Variants in ZC3H6 observed in about 807,000 individuals in gnomAD.
The protein encoded by ZC3H6 is zinc finger CCCH domain-containing protein 6.
In ZC3H6, 40 loss-of-function variants were observed where a neutral mutation model predicts 107.7. That is an observed-to-expected ratio of 0.37 (90% confidence interval 0.29 to 0.48). The LOEUF is 0.48. Among genes scored for constraint, ZC3H6 ranks in the 20% least tolerant of loss-of-function variants. The pLI is 0.98. For synonymous variants in ZC3H6, 493 were observed against 487.9 expected, an observed-to-expected ratio of 1.01 and a Z score of -0.14; for missense variants, 1,267 against 1,410.4, an observed-to-expected ratio of 0.90 and a Z score of 1.63.
At chr2:112,306,948 T>C (rs1385142380) in intron 3 of ZC3H6, among the ~76,000 whole-genome samples, 3 of 152,240 alleles carry the variant, frequency 2.0e-5, no homozygotes, top group Admixed American at 1.3e-4. Context: ...CTCAGGATTT[T>C]CATCTACTCC....
rs541203347 is a variant in ZC3H6, at chr2:112,280,806, A to G, written c.32+4780A>G. 2.0e-5 allele frequency among the ~76,000 whole-genome samples: 3 copies of G among 152,284 alleles called. No individual in the cohort carries two copies. The South Asian group carries it at 6.2e-4, about 32-fold the overall frequency. On this transcript the variant is annotated intron_variant, in intron 1 of 11. Coordinates refer to ENST00000409871, the MANE Select transcript of ZC3H6 (RefSeq NM_198581.3). ...AGTGTTAGTATGTGGAGAGTGTACA[A>G]CTATTTTGGGGAATGGGGAAACGGA... is the stretch of plus-strand genomic sequence containing the variant.
intron 11 of ZC3H6, among the ~76,000 whole-genome samples, chr2:112,326,909 G>A (rs1573965548): frequency 1.3e-5 from 2 of 152,196 alleles, no homozygotes; most frequent in East Asian, 3.9e-4. Context: ...CACCGTGCCT[G>A]GCCATTGTCT....
At chr2:112,293,783 A>G (rs183378555) in intron 1 of ZC3H6, among the ~76,000 whole-genome samples, 4 of 152,266 alleles carry the variant, frequency 2.6e-5, no homozygotes, top group Non-Finnish European at 4.4e-5. Context: ...CAAGTTATCT[A>G]TCAAGCAAGC....
chr2:112,321,197 TG>T (rs1163260693), intron 7 of ZC3H6, among the ~76,000 whole-genome samples: 1 of 152,010 alleles, frequency 6.6e-6, no homozygotes, highest in Non-Finnish European at 1.5e-5. Flanking sequence ...AAGATTAGTC[TG>T]TAGTTGATTA....
At chr2:112,308,475 G>T (rs1191777664) in intron 3 of ZC3H6, among the ~76,000 whole-genome samples, 1 of 149,218 alleles carries the variant, frequency 6.7e-6, no homozygotes, top group Non-Finnish European at 1.5e-5. Context: ...CACCCAGGCT[G>T]GAGTGCAGTG....
In ZC3H6 at chr2:112,275,982, T is replaced by C; in HGVS notation, c.-13T>C. 6.5e-7 allele frequency: 1 copy of C among 1,535,204 alleles called. No homozygotes were observed. Among genetic ancestry groups the C allele is most frequent in the Non-Finnish European group, 8.8e-7 (1 of 1,140,710 alleles). On this transcript the variant is annotated 5_prime_UTR_variant, in exon 1 of 12. Coordinates refer to ENST00000409871, the MANE Select transcript of ZC3H6 (RefSeq NM_198581.3). ...AGACCTGCCCTCCAGCCCCGCCCCG[T>C]TCTTGACCAAACATGACAGACTCTG...
intron 1 of ZC3H6, among the ~76,000 whole-genome samples, chr2:112,298,159 A>ATTT (rs1221368347): frequency 2.7e-4 from 21 of 78,854 alleles, no homozygotes; most frequent in African/African-American, 1.5e-3. Context: ...CTTTTTAAAA[A>ATTT]ATTTATTTTT....
chr2:112,321,670 T>C (rs1350858075), intron 7 of ZC3H6, 86 bp from the exon 8 acceptor site: 12 of 644,048 alleles, frequency 1.9e-5, no homozygotes, highest in Non-Finnish European at 3.1e-5. Flanking sequence ...AGAACTTAAC[T>C]ATCTTGTCTA....
In ZC3H6 at chr2:112,336,577, T is replaced by G. The variant is rs1677139216; in HGVS notation, c.*4089T>G. 6.6e-6 allele frequency: 1 copy of G among 152,218 alleles called. No individual in the cohort carries two copies. Among genetic ancestry groups the G allele is most frequent in the African/African-American group, 2.4e-5 (1 of 41,458 alleles). 9.4% of individuals were successfully genotyped at this position (152,218 alleles called of 1,614,324 possible). On this transcript the variant is annotated 3_prime_UTR_variant, in exon 12 of 12. Transcript: ENST00000409871. ...AAGCTATTTTCTTAGGTGTTACACC[T>G]TAGCATTTACATAATGCCTTCTCCC...
chr2:112,302,585 A>G (rs953305201), intron 2 of ZC3H6, among the ~76,000 whole-genome samples: 1 of 152,160 alleles, frequency 6.6e-6, no homozygotes, highest in Non-Finnish European at 1.5e-5. Flanking sequence ...CAACTCGGGA[A>G]GGTAATCATT....
intron 7 of ZC3H6, 41 bp from the exon 8 acceptor site, chr2:112,321,715 C>T (rs1452480787): frequency 8.1e-7 from 1 of 1,232,410 alleles, no homozygotes; most frequent in Non-Finnish European, 1.1e-6. Flanking sequence ...AAAAATTAGA[C>T]CTTGATTTTA....
At chr2:112,289,994 G>A (rs1573948364) in intron 1 of ZC3H6, among the ~76,000 whole-genome samples, 2 of 152,108 alleles carry the variant, frequency 1.3e-5, no homozygotes. Context: ...ACCCTCCTTG[G>A]CCTTCCAAAG....
rs554162541 is a variant in ZC3H6 at position 112,307,551 on chromosome 2, C to T, written c.337-2334C>T. ...CCTGCTAGACCCTCGCCCATGAGTG[C>T]GTTTTGTTCATCCCAATGATGACCA... On this transcript the variant is annotated intron_variant, in intron 3 of 11. Transcript: ENST00000409871. Among the ~76,000 whole-genome samples the T allele has an allele frequency of 4.1e-4, 63 of 152,204 alleles. 1 individual carries two copies. The highest frequency in any genetic ancestry group is 6.3e-4 in the Non-Finnish European group (43 of 67,998).
intron 1 of ZC3H6, among the ~76,000 whole-genome samples, chr2:112,296,496 T>C (rs1676236150): frequency 6.6e-6 from 1 of 152,236 alleles, no homozygotes; most frequent in Non-Finnish European, 1.5e-5. Flanking sequence ...AACATTCTTA[T>C]ACTTGTCTTT....
intron 1 of ZC3H6, among the ~76,000 whole-genome samples, chr2:112,281,189 G>T (rs1186081031): frequency 6.6e-6 from 1 of 152,148 alleles, no homozygotes; most frequent in East Asian, 1.9e-4. Context: ...GGTGTTTAGG[G>T]AAGCACTTAT....
chr2:112,324,924 G>A lies in ZC3H6; in HGVS notation c.1853-40G>A, dbSNP rs1558956804. Reference sequence around the variant, plus strand: ...TTTCTTATGACTGGTGAAGTTTTGTGCTCACTCAATGACTGTCTCTCCCCA... The same window carrying A: ...TTTCTTATGACTGGTGAAGTTTTGTACTCACTCAATGACTGTCTCTCCCCA... On this transcript the variant is annotated intron_variant, in intron 10 of 11. Transcript: ENST00000409871. 15 of 1,535,162 alleles carry A rather than the reference G, an allele frequency of 9.8e-6. No individual in the cohort carries two copies. The East Asian group carries it at 3.1e-4, about 32-fold the overall frequency.
chr2:112,315,153 T>A lies in ZC3H6; in HGVS notation c.748-1317T>A, dbSNP rs796442082. On this transcript the variant is annotated intron_variant, in intron 5 of 11. Coordinates refer to ENST00000409871, the MANE Select transcript of ZC3H6 (RefSeq NM_198581.3). ...CCTATGATATACAGGGCACAGTGCA[T>A]GCCAGGTGCATGAAAAATAATGTTG... 1.2e-4 allele frequency among the ~76,000 whole-genome samples: 19 copies of A among 152,318 alleles called. 1 individual carries two copies. The highest frequency in any genetic ancestry group is 4.6e-4 in the African/African-American group (19 of 41,564).
chr2:112,287,242 C>T (rs987933442), intron 1 of ZC3H6, among the ~76,000 whole-genome samples: 1 of 151,872 alleles, frequency 6.6e-6, no homozygotes, highest in Non-Finnish European at 1.5e-5. Flanking sequence ...GCACTGAAAG[C>T]CTAAATCAAG....
At chr2:112,286,865 C>G (rs1384562595) in intron 1 of ZC3H6, among the ~76,000 whole-genome samples, 1 of 152,098 alleles carries the variant, frequency 6.6e-6, no homozygotes, top group Non-Finnish European at 1.5e-5. Context: ...CATACTTTGG[C>G]TGAATACTTA....
Sources: allele counts gnomAD v4.1 joint callset (sites outside exome capture counted in the v4.1 genomes callset), GRCh38; gene constraint gnomAD v4.1.1; transcripts MANE v1.5; gene names NCBI Gene and HGNC (gene_info 2026-07-23, HGNC 2026-07-21).